Variants in DENND2D observed in about 807,000 individuals in gnomAD.
DENND2D encodes DENN domain-containing protein 2D.
A neutral mutation model predicts 59.8 loss-of-function variants in DENND2D; 37 were observed. The observed-to-expected ratio is 0.62, with a 90% confidence interval of 0.48 to 0.81. The LOEUF (loss-of-function observed/expected upper bound fraction) is 0.81. DENND2D is among the 40% of genes least tolerant of loss of function. DENND2D has a pLI of 0.00. For synonymous variants in DENND2D, 219 were observed against 211.3 expected (o/e 1.04, Z -0.31); for missense variants, 525 against 579.7 (o/e 0.91, Z 0.97).
chr1:111,195,991 G>A lies in DENND2D; in HGVS notation c.570C>T (p.Gly190=), dbSNP rs756333845. ...GAGCAGGGAAGGCTGCCTCTCGGAG[G>A]CCCTGCATGAACGGGTAGATGACAG... ...SMAVIYPFMQ[G]LREAAFPAPG... The change falls in exon 6 of 12, where the codon GGC becomes GGT. Residue 190 remains glycine, a synonymous_variant. Transcript: ENST00000357640. 1.9e-6 allele frequency: 3 copies of A among 1,614,018 alleles called. No homozygotes were observed. The South Asian group carries it at 3.3e-5, about 18-fold the overall frequency.
chr1:111,189,094 GCA>G (rs1295227169), intron 9 of DENND2D, 116 bp downstream of exon 9: 43 of 1,210,730 alleles, frequency 3.6e-5, no homozygotes, highest in Non-Finnish European at 4.8e-5. Flanking sequence ...GGTCTTTTTA[GCA>G]CAGATTCTCA....
chr1:111,198,157 C>T (rs1658430348), intron 3 of DENND2D, among the ~76,000 whole-genome samples, 168 bp from the exon 4 acceptor site: 2 of 152,210 alleles, frequency 1.3e-5, no homozygotes, highest in Non-Finnish European at 2.9e-5. Flanking sequence ...ATCTAATTGT[C>T]AAAACAACTC....
At chr1:111,188,041 T>G in intron 11 of DENND2D, 90 bp downstream of exon 11, 1 of 1,526,512 alleles carries the variant, frequency 6.6e-7, no homozygotes, top group Non-Finnish European at 8.8e-7. Context: ...ATTTTGTGGG[T>G]TTCTAAAGAG....
At position 111,199,864 on chromosome 1, in the gene DENND2D, G is replaced by C. The variant is rs972474920; in HGVS notation, c.68-66C>G. ...TCCATTCCTGGAGTGGAGTCTGTGA[G>C]AATCCGGGTGACCTCCACACCTCAA... On this transcript the variant is annotated intron_variant, in intron 1 of 11. Transcript: ENST00000357640. 5.1e-6 allele frequency: 8 copies of C among 1,554,522 alleles called. No individual in the cohort carries two copies. In the African/African-American group the frequency reaches 1.1e-4, roughly 21 times the overall value.
rs1443679542 is a variant in DENND2D, at chr1:111,194,706, G to A, written c.666C>T (p.Pro222=). Residue 222 remains proline (P), a synonymous_variant, in exon 7 of 12, where the codon CCC becomes CCT. Coordinates refer to ENST00000357640, the MANE Select transcript of DENND2D (RefSeq NM_024901.5). Reference sequence around the variant, plus strand: ...CCACATGTTCTAGGTGGGAGTCCAGGGGCCGTGTCAGTGAAATGAACTGTG... The same window carrying A: ...CCACATGTTCTAGGTGGGAGTCCAGAGGCCGTGTCAGTGAAATGAACTGTG... ...SGTEFISLTR[P]LDSHLEHVDF... 5 of 1,613,882 alleles carry A rather than the reference G, an allele frequency of 3.1e-6. No individual in the cohort carries two copies. The Admixed American group carries it at 6.7e-5, about 22-fold the overall frequency.
chr1:111,204,527 C>G, upstream of DENND2D: 1 of 636,798 alleles, frequency 1.6e-6, no homozygotes, highest in African/African-American at 1.9e-5. Context: ...CGCACCTGGG[C>G]GGGCCCGCTC....
At chr1:111,189,849 C>T (rs1055689859) in intron 8 of DENND2D, among the ~76,000 whole-genome samples, 1 of 152,124 alleles carries the variant, frequency 6.6e-6, no homozygotes, top group African/African-American at 2.4e-5. Flanking sequence ...ATGCTTGCAA[C>T]ATCTTATGTA....
upstream of DENND2D, chr1:111,204,521 CCTGGGCGGGCCCGCT>C: frequency 1.5e-6 from 1 of 681,428 alleles, no homozygotes; most frequent in Non-Finnish European, 2.2e-6. Flanking sequence ...CCCGGGCGCA[CCTGGGCGGGCCCGCT>C]CTGCCCTCGC....
At chr1:111,188,609 A>G in intron 10 of DENND2D, 93 bp downstream of exon 10, 1 of 1,295,952 alleles carries the variant, frequency 7.7e-7, no homozygotes, top group Non-Finnish European at 1.1e-6. Context: ...GTCTAGGACT[A>G]CTGAATGAGT....
In DENND2D at chr1:111,189,639, G is replaced by A. The variant is rs1470910204; in HGVS notation, c.973-386C>T. 4.6e-5 allele frequency among the ~76,000 whole-genome samples: 7 copies of A among 152,260 alleles called. No homozygotes were observed. In the East Asian group the frequency reaches 7.7e-4, roughly 17 times the overall value. ...ACGTTTGATCTCAAGCAACAGTCCCGTGAGGCAGATACAATCTCCATTTTG... is the reference window on the plus strand; with the variant it reads ...ACGTTTGATCTCAAGCAACAGTCCCATGAGGCAGATACAATCTCCATTTTG... On this transcript the variant is annotated intron_variant, in intron 8 of 11. Coordinates refer to ENST00000357640, the MANE Select transcript of DENND2D (RefSeq NM_024901.5).
intron 7 of DENND2D, 131 bp downstream of exon 7, chr1:111,194,447 A>T: frequency 2.8e-6 from 3 of 1,084,994 alleles, no homozygotes; most frequent in Non-Finnish European, 4.0e-6. Context: ...GGTTTAAAGA[A>T]CAAGGAGCTA....
chr1:111,193,689 T>C (rs1465707516), intron 7 of DENND2D, among the ~76,000 whole-genome samples: 1 of 152,204 alleles, frequency 6.6e-6, no homozygotes, highest in African/African-American at 2.4e-5. Flanking sequence ...AGCAGGGTTG[T>C]CAACCTAAAA....
In DENND2D at chr1:111,196,003, C is replaced by T. The variant is rs149018314; in HGVS notation, c.558G>A (p.Pro186=). The change falls in exon 6 of 12, where the codon CCG becomes CCA. Residue 186 remains proline, a synonymous_variant. Coordinates refer to ENST00000357640, the MANE Select transcript of DENND2D (RefSeq NM_024901.5). ...RHQISMAVIY[P]FMQGLREAAF... ...CTGCCTCTCGGAGGCCCTGCATGAACGGGTAGATGACAGCCATGGAGATCT... is the reference window on the plus strand; with the variant it reads ...CTGCCTCTCGGAGGCCCTGCATGAATGGGTAGATGACAGCCATGGAGATCT... 6.2e-5 allele frequency: 100 copies of T among 1,613,852 alleles called. No individual in the cohort carries two copies. Among genetic ancestry groups the T allele is most frequent in the Non-Finnish European group, 7.1e-5 (84 of 1,179,934 alleles).
In DENND2D at chr1:111,196,059, G is replaced by T. The variant is rs1219132261; in HGVS notation, c.505-3C>A. 1.2e-6 allele frequency: 2 copies of T among 1,605,190 alleles called. No individual in the cohort carries two copies. On this transcript the variant is annotated splice_polypyrimidine_tract_variant and splice_region_variant and intron_variant, in intron 5 of 11. Transcript: ENST00000357640. ...CTCTTCTCCACTTCATCCAGGATCT[G>T]CAGGGAAAAGAACCACGGGAGGCAC...
rs146843646 is a variant in DENND2D, at chr1:111,200,397, T to A, written c.63A>T (p.Arg21=). Residue 21 remains arginine (R), a synonymous_variant, in exon 1 of 12, where the codon CGA becomes CGT. Transcript: ENST00000357640. ...RLFQRRLLQL[R]AGPPQDNSGE... ...AGTAGGCAGTCCAGTCCTGACCTGC[T>A]CGGAGTTGAAGCAGTCGGCGTTGGA... is the stretch of plus-strand genomic sequence containing the variant. 3 of 1,612,032 alleles carry A rather than the reference T, an allele frequency of 1.9e-6. No individual in the cohort carries two copies. Among genetic ancestry groups the A allele is most frequent in the African/African-American group, 1.3e-5 (1 of 74,866 alleles).
At chr1:111,197,104 A>G (rs1658304186) in intron 5 of DENND2D, 72 bp downstream of exon 5, 1 of 1,507,014 alleles carries the variant, frequency 6.6e-7, no homozygotes, top group African/African-American at 1.4e-5. Context: ...CTAAGAGCTT[A>G]GTTGCACAGG....
At position 111,186,441 on chromosome 1, in the gene DENND2D, C is replaced by T. The variant is rs976682553; in HGVS notation, c.*1164G>A. On this transcript the variant is annotated 3_prime_UTR_variant, in exon 12 of 12. Coordinates refer to ENST00000357640, the MANE Select transcript of DENND2D (RefSeq NM_024901.5). ...ACATTGGCTTGAACTTCAGTATGCCCGGTTCCACCCTCCAGAAACTTTTGT... is the reference window on the plus strand; with the variant it reads ...ACATTGGCTTGAACTTCAGTATGCCTGGTTCCACCCTCCAGAAACTTTTGT... Among the ~76,000 whole-genome samples, 4 of 152,116 alleles carry T rather than the reference C, an allele frequency of 2.6e-5. No homozygotes were observed. Among genetic ancestry groups the T allele is most frequent in the Non-Finnish European group, 4.4e-5 (3 of 68,004 alleles).
At position 111,188,757 on chromosome 1, in the gene DENND2D, C is replaced by T. The variant is rs148648710; in HGVS notation, c.1044G>A (p.Pro348=). 2.2e-4 allele frequency: 360 copies of T among 1,614,038 alleles called. 1 individual carries two copies. The highest frequency in any genetic ancestry group is 2.8e-4 in the Non-Finnish European group (328 of 1,179,976). ...AGTCTAAGATGTCATCCTGAAGCTTCGGTGGCAGGATGTCTTTTTCATCAC... is the reference window on the plus strand; with the variant it reads ...AGTCTAAGATGTCATCCTGAAGCTTTGGTGGCAGGATGTCTTTTTCATCAC... ...SVGDEKDILP[P]KLQDDILDSL... Residue 348 remains proline, a synonymous_variant, in exon 10 of 12, where the codon CCG becomes CCA. Coordinates refer to ENST00000357640, the MANE Select transcript of DENND2D (RefSeq NM_024901.5).
chr1:111,191,798 C>A (rs1249264612), intron 8 of DENND2D, among the ~76,000 whole-genome samples: 1 of 152,186 alleles, frequency 6.6e-6, no homozygotes, highest in African/African-American at 2.4e-5. Context: ...ATGGGACACC[C>A]CGAAGACTGC....
Sources: allele counts gnomAD v4.1 joint callset (sites outside exome capture counted in the v4.1 genomes callset), GRCh38; gene constraint gnomAD v4.1.1; transcripts MANE v1.5; gene names NCBI Gene and HGNC (gene_info 2026-07-23, HGNC 2026-07-21).